Variants in P2RY11 observed in about 807,000 individuals in gnomAD.
P2RY11 encodes P2Y purinoceptor 11.
A neutral mutation model predicts 2.4 loss-of-function variants in P2RY11; 3 were observed. The ratio of observed to expected loss-of-function variants is 1.22; its 90% CI spans 0.56 to 3.17. P2RY11 has a LOEUF of 3.17. Among genes scored for constraint, P2RY11 ranks in the 30% most tolerant of loss-of-function variants. P2RY11 has a pLI of 0.03. For missense variants in P2RY11, 670 were observed against 528.2 expected, an observed-to-expected ratio of 1.27 and a Z score of -2.63; for synonymous variants, 307 against 237.3, an observed-to-expected ratio of 1.29 and a Z score of -2.70.
rs1241132028 is a variant in P2RY11 at position 10,115,060 on chromosome 19, G to A, written c.*322G>A. On this transcript the variant is annotated 3_prime_UTR_variant, in exon 2 of 2. Transcript: ENST00000321826. ...ATTGCCCTTGGAGCCCGCGCTCTCGGAGGCTGTCTTCTGTCGCCAAGGGTC... is the reference window on the plus strand; with the variant it reads ...ATTGCCCTTGGAGCCCGCGCTCTCGAAGGCTGTCTTCTGTCGCCAAGGGTC... 10 of 1,612,270 alleles carry A rather than the reference G, an allele frequency of 6.2e-6. No individual in the cohort carries two copies. The East Asian group carries it at 2.2e-4, about 36-fold the overall frequency.
chr19:10,113,980 A>G lies in P2RY11; in HGVS notation c.367A>G (p.Ile123Val), dbSNP rs1276781952. ...GGGCAGCGTCATCTTCATCACCTGC[A>G]TCAGCCTCAACCGCTACCTGGGCAT... The part of the protein sequence containing the change: ...LLGSVIFITC[I>V]SLNRYLGIVH... The change falls in exon 2 of 2, where the codon ATC (isoleucine) becomes GTC (valine). Residue 123 changes from isoleucine (I) to valine (V), a missense_variant. By Grantham distance (29) the Ile-to-Val change is conservative. Coordinates refer to ENST00000321826, the MANE Select transcript of P2RY11 (RefSeq NM_002566.5). 1 of 1,601,636 alleles carries G rather than the reference A, an allele frequency of 6.2e-7. No homozygotes were observed. Among genetic ancestry groups the G allele is most frequent in the Non-Finnish European group, 8.5e-7 (1 of 1,179,838 alleles).
chr19:10,112,645 ATGTC>A (rs2145216405), intron 1 of P2RY11, among the ~76,000 whole-genome samples: 1 of 152,230 alleles, frequency 6.6e-6, no homozygotes, highest in South Asian at 2.1e-4. Flanking sequence ...AGCCTCAAGA[ATGTC>A]TGGGTGTGGC....
rs768342480 is a variant in P2RY11, at chr19:10,114,026, G to A, written c.413G>A (p.Arg138Gln). The A allele has an allele frequency of 2.3e-5, 37 of 1,601,040 alleles. No homozygotes were observed. Among genetic ancestry groups the A allele is most frequent in the East Asian group, 6.7e-5 (3 of 44,866 alleles). The change falls in exon 2 of 2, where the codon CGA becomes CAA. Residue 138 changes from arginine (R) to glutamine (Q), a missense_variant. Coordinates refer to ENST00000321826, the MANE Select transcript of P2RY11 (RefSeq NM_002566.5). ...YLGIVHPFFA[R>Q]SHLRPKHAWA... ...GGCATCGTGCACCCCTTCTTCGCCC[G>A]AAGCCACCTGCGACCCAAGCACGCC...
Position 10,114,671 on chromosome 19 carries a change from C to A in P2RY11, c.1058C>A (p.Ala353Asp). 1.2e-6 allele frequency: 2 copies of A among 1,613,874 alleles called. No homozygotes were observed. Among genetic ancestry groups the A allele is most frequent in the Non-Finnish European group, 1.7e-6 (2 of 1,179,868 alleles). ...GAGGACGCCAAGAGCACTGGCCAAG[C>A]CCTGCCCCTCAATGCCACAGCCGCC... ...NPEDAKSTGQ[A>D]LPLNATAAPK... The change falls in exon 2 of 2, where the codon GCC (alanine) becomes GAC (aspartate). Residue 353 changes from alanine (A) to aspartate (D), a missense_variant. Physicochemically the swap from Ala to Asp is moderately radical, Grantham distance 126. Coordinates refer to ENST00000321826, the MANE Select transcript of P2RY11 (RefSeq NM_002566.5).
rs972764670 is a variant in P2RY11 at position 10,114,352 on chromosome 19, G to C, written c.739G>C (p.Ala247Pro). 1.9e-6 allele frequency: 3 copies of C among 1,603,758 alleles called. No homozygotes were observed. The highest frequency in any genetic ancestry group is 2.5e-6 in the Non-Finnish European group (3 of 1,178,770). The change falls in exon 2 of 2, where the codon GCA becomes CCA. Residue 247 changes from alanine (A) to proline (P), a missense_variant. Coordinates refer to ENST00000321826, the MANE Select transcript of P2RY11 (RefSeq NM_002566.5). ...GACTGTGGCCGAGAAGCTGCGTGTG[G>C]CAGCGTTGGTGGCCAGTGGTGTGGC... is the stretch of plus-strand genomic sequence containing the variant. ...GMTVAEKLRV[A>P]ALVASGVALY... is the part of the protein sequence containing the mutation.
In P2RY11 at chr19:10,114,295, C is replaced by T. The variant is rs200272713; in HGVS notation, c.682C>T (p.Leu228Phe). ...GCTCACGCTGGCAGCCTACGGCGCC[C>T]TCGGGCGGGCCGTGCTACGCAGCCC... ...LLLTLAAYGA[L>F]GRAVLRSPGM... is the part of the protein sequence containing the mutation. Residue 228 changes from leucine to phenylalanine, a missense_variant, in exon 2 of 2, where the codon CTC becomes TTC. By Grantham distance (22) the Leu-to-Phe change is conservative. Coordinates refer to ENST00000321826, the MANE Select transcript of P2RY11 (RefSeq NM_002566.5). 59 of 1,597,886 alleles carry T rather than the reference C, an allele frequency of 3.7e-5. No homozygotes were observed. Among genetic ancestry groups the T allele is most frequent in the Non-Finnish European group, 4.8e-5 (57 of 1,178,416 alleles).
chr19:10,114,988 G>A lies in P2RY11; in HGVS notation c.*250G>A. Reference sequence around the variant, plus strand: ...GGCACTGGCCCCCGCCACAGGACTGGAGACGCAAGAACAAAAAGAACCAAG... The same window carrying A: ...GGCACTGGCCCCCGCCACAGGACTGAAGACGCAAGAACAAAAAGAACCAAG... On this transcript the variant is annotated 3_prime_UTR_variant, in exon 2 of 2. Transcript: ENST00000321826. 6.7e-7 allele frequency: 1 copy of A among 1,492,528 alleles called. No homozygotes were observed. The highest frequency in any genetic ancestry group is 1.2e-5 in the South Asian group (1 of 84,144). 92.5% of individuals were successfully genotyped at this position (1,492,528 alleles called of 1,614,324 possible). A position where few individuals can be genotyped will look rare whatever the true frequency, so the allele number is the denominator to read the frequency against.
chr19:10,114,543 G>T lies in P2RY11; in HGVS notation c.930G>T (p.Met310Ile), dbSNP rs756760580. Residue 310 changes from methionine (M) to isoleucine (I), a missense_variant, in exon 2 of 2, where the codon ATG becomes ATT. By Grantham distance (10) the Met-to-Ile change is conservative (BLOSUM62 1). Transcript: ENST00000321826. ...GCTACCAGGTGATGCGGGGCCTCAT[G>T]CCCCTGGCCTTCTGTGTCCACCCTC... Reference protein sequence around the residue: ...YVGYQVMRGLMPLAFCVHPLL... With the variant: ...YVGYQVMRGLIPLAFCVHPLL... 3 of 1,611,892 alleles carry T rather than the reference G, an allele frequency of 1.9e-6. No individual in the cohort carries two copies. Among genetic ancestry groups the T allele is most frequent in the Non-Finnish European group, 2.5e-6 (3 of 1,178,656 alleles).
chr19:10,115,020 G>C lies in P2RY11; in HGVS notation c.*282G>C. On this transcript the variant is annotated 3_prime_UTR_variant, in exon 2 of 2. Coordinates refer to ENST00000321826, the MANE Select transcript of P2RY11 (RefSeq NM_002566.5). ...AAGAACAAAAAGAACCAAGTAGAGAGAGTGGAGCTGCTTTATTGCCCTTGG... is the reference window on the plus strand; with the variant it reads ...AAGAACAAAAAGAACCAAGTAGAGACAGTGGAGCTGCTTTATTGCCCTTGG... The C allele has an allele frequency of 1.3e-6, 2 of 1,566,962 alleles. No individual in the cohort carries two copies. Among genetic ancestry groups the C allele is most frequent in the East Asian group, 2.3e-5 (1 of 44,230 alleles).
In P2RY11 at chr19:10,113,711, C is replaced by T; in HGVS notation, c.98C>T (p.Pro33Leu). Reference sequence around the variant, plus strand: ...GGGTTCCAGGGGGACTTCCTGTGGCCCATACTGGTGGTTGAGTTCCTGGTG... The same window carrying T: ...GGGTTCCAGGGGGACTTCCTGTGGCTCATACTGGTGGTTGAGTTCCTGGTG... ...LSGFQGDFLW[P>L]ILVVEFLVAV... The change falls in exon 2 of 2, where the codon CCC (proline) becomes CTC (leucine). Residue 33 changes from proline to leucine, a missense_variant. By Grantham distance (98) the Pro-to-Leu change is moderately conservative. Coordinates refer to ENST00000321826, the MANE Select transcript of P2RY11 (RefSeq NM_002566.5). 1 of 1,612,110 alleles carries T rather than the reference C, an allele frequency of 6.2e-7. No individual in the cohort carries two copies. The highest frequency in any genetic ancestry group is 1.7e-4 in the Middle Eastern group (1 of 6,052).
In P2RY11 at chr19:10,113,675, ACAAACTCAG is replaced by A; in HGVS notation, c.63_71del (p.Lys22_Ser24del). The A allele has an allele frequency of 6.2e-7, 1 of 1,612,710 alleles. No homozygotes were observed. The highest frequency in any genetic ancestry group is 8.5e-7 in the Non-Finnish European group (1 of 1,179,108). On this transcript the variant is annotated inframe_deletion, in exon 2 of 2. Transcript: ENST00000321826. ...GCCAACTTCTTGGCAGCTGCCGACGACAAACTCAGTGGGTTCCAGGGGGACTTCCTGTGG... is the reference window on the plus strand; with the variant it reads ...GCCAACTTCTTGGCAGCTGCCGACGATGGGTTCCAGGGGGACTTCCTGTGG...
chr19:10,112,685 T>C (rs1252605450), intron 1 of P2RY11, among the ~76,000 whole-genome samples: 1 of 152,020 alleles, frequency 6.6e-6, no homozygotes, highest in Non-Finnish European at 1.5e-5. Flanking sequence ...ACACTTGTAA[T>C]CTCAGCACTT....
Position 10,115,346 on chromosome 19 carries a change from CA to C in P2RY11, c.*610del. ...CCCTCTGCCCGGTTTTGGAAAAAAACAATAAAGGACTGTCCCCTCAAAACCA... is the reference window on the plus strand; with the variant it reads ...CCCTCTGCCCGGTTTTGGAAAAAAACATAAAGGACTGTCCCCTCAAAACCA... On this transcript the variant is annotated 3_prime_UTR_variant, in exon 2 of 2. Transcript: ENST00000321826. 1 of 1,203,188 alleles carries C rather than the reference CA, an allele frequency of 8.3e-7. No individual in the cohort carries two copies. The highest frequency in any genetic ancestry group is 1.5e-5 in the South Asian group (1 of 64,520). The allele number at this position is 1,203,188 out of a possible 1,614,324, so 74.5% of individuals were successfully genotyped here.
Position 10,115,188 on chromosome 19 carries a change from A to G in P2RY11, c.*450A>G, listed in dbSNP as rs543543654. 1.2e-4 allele frequency: 190 copies of G among 1,598,900 alleles called. 1 individual carries two copies. In the South Asian group the frequency reaches 2.0e-3, roughly 17 times the overall value. On this transcript the variant is annotated 3_prime_UTR_variant, in exon 2 of 2. Coordinates refer to ENST00000321826, the MANE Select transcript of P2RY11 (RefSeq NM_002566.5). ...CTGGGGGCACCCCAAGACCCCAGAC[A>G]CCCAAGTGGCATCTTGGGGGTGGGT...
At position 10,114,739 on chromosome 19, in the gene P2RY11, T is replaced by G. The variant is rs748587667; in HGVS notation, c.*1T>G. 3 of 1,599,194 alleles carry G rather than the reference T, an allele frequency of 1.9e-6. No homozygotes were observed. The Admixed American group carries it at 5.1e-5, about 27-fold the overall frequency. Reference sequence around the variant, plus strand: ...CCAGTCCCGTGAGCTGAGCCAATGATGTGGCCTAGCGGAAGCTGCCTCCTC... The same window carrying G: ...CCAGTCCCGTGAGCTGAGCCAATGAGGTGGCCTAGCGGAAGCTGCCTCCTC... On this transcript the variant is annotated 3_prime_UTR_variant, in exon 2 of 2. Transcript: ENST00000321826.
At position 10,114,552 on chromosome 19, in the gene P2RY11, CT is replaced by C; in HGVS notation, c.941del (p.Phe314SerfsTer59). ...QVMRGLMPLA[F>X]CVHPLLYMAA... ...TGATGCGGGGCCTCATGCCCCTGGCCTTCTGTGTCCACCCTCTACTCTACAT... is the reference window on the plus strand; with the variant it reads ...TGATGCGGGGCCTCATGCCCCTGGCCTCTGTGTCCACCCTCTACTCTACAT... On this transcript the variant is annotated frameshift_variant, in exon 2 of 2. Coordinates refer to ENST00000321826, the MANE Select transcript of P2RY11 (RefSeq NM_002566.5). LOFTEE classifies it low-confidence loss of function (END_TRUNC). The C allele has an allele frequency of 1.9e-6, 3 of 1,613,046 alleles. No homozygotes were observed. Among genetic ancestry groups the C allele is most frequent in the South Asian group, 1.1e-5 (1 of 91,062 alleles).
intron 1 of P2RY11, among the ~76,000 whole-genome samples, chr19:10,113,003 C>T (rs992206676): frequency 1.3e-5 from 2 of 151,500 alleles, no homozygotes; most frequent in African/African-American, 2.4e-5. Flanking sequence ...AGCCAGGAAG[C>T]CTGGGTGGGC....
Position 10,115,007 on chromosome 19 carries a change from A to C in P2RY11, c.*269A>C, listed in dbSNP as rs2089213530. 3.2e-6 allele frequency: 5 copies of C among 1,549,044 alleles called. No individual in the cohort carries two copies. The highest frequency in any genetic ancestry group is 3.7e-5 in the Admixed American group (2 of 53,518). On this transcript the variant is annotated 3_prime_UTR_variant, in exon 2 of 2. Coordinates refer to ENST00000321826, the MANE Select transcript of P2RY11 (RefSeq NM_002566.5). ...GGACTGGAGACGCAAGAACAAAAAG[A>C]ACCAAGTAGAGAGAGTGGAGCTGCT...
In P2RY11 at chr19:10,113,678, A is replaced by AT. The variant is rs1599319982; in HGVS notation, c.65_66insT (p.Lys22AsnfsTer17). The AT allele has an allele frequency of 1.3e-5, 21 of 1,582,164 alleles. No homozygotes were observed. The highest frequency in any genetic ancestry group is 7.0e-5 in the East Asian group (3 of 43,038). On this transcript the variant is annotated frameshift_variant, in exon 2 of 2. Coordinates refer to ENST00000321826, the MANE Select transcript of P2RY11 (RefSeq NM_002566.5). LOFTEE classifies it low-confidence loss of function (END_TRUNC). ...AACTTCTTGGCAGCTGCCGACGACA[A>AT]ACTCAGTGGGTTCCAGGGGGACTTC...
Sources: gnomAD v4.1 joint callset for allele counts (sites outside exome capture counted in the v4.1 genomes callset) on GRCh38, gnomAD v4.1.1 for gene constraint, MANE v1.5 for transcripts, NCBI Gene and HGNC (gene_info 2026-07-23, HGNC 2026-07-21) for gene names.